The following CACNA1E variants were observed in gnomAD, a reference collection of about 807,000 sequenced individuals.
CACNA1E encodes the protein calcium voltage-gated channel subunit alpha1 E.
CACNA1E carries 40 observed loss-of-function variants against 259.2 expected under a neutral mutation model. The observed-to-expected ratio is 0.15, with a 90% CI of 0.12 to 0.20. The LOEUF (loss-of-function observed/expected upper bound fraction) is 0.20. CACNA1E is among the 10% of genes least tolerant of loss of function. CACNA1E has a pLI of 1.00. For missense variants in CACNA1E, 1,874 were observed against 3,040.1 expected (o/e 0.62, Z 9.02); for synonymous variants, 1,104 against 1,138.5 (o/e 0.97, Z 0.61).
chr1:181,785,539 G>A (rs1046642876), intron 42 of CACNA1E, 121 bp downstream of exon 42: 19 of 875,920 alleles, frequency 2.2e-5, no homozygotes, highest in Non-Finnish European at 3.0e-5. Context: ...TAATGGGTGC[G>A]GGGCCCAAGA....
In CACNA1E at chr1:181,731,157, T is replaced by C. The variant is rs1217504137; in HGVS notation, c.2241-18T>C. The C allele has an allele frequency of 1.5e-5, 24 of 1,610,862 alleles. No individual in the cohort carries two copies. Among genetic ancestry groups the C allele is most frequent in the Non-Finnish European group, 1.9e-5 (22 of 1,177,096 alleles). On this transcript the variant is annotated intron_variant, in intron 18 of 47. Transcript: ENST00000367573. ...TAGAGGTTGGGGTGAACTGAACCTG[T>C]CCATTTTTCTTCCCCAGAAGAGACA...
chr1:181,488,004 G>T (rs902318833), intron 1 of CACNA1E, among the ~76,000 whole-genome samples: 1 of 152,162 alleles, frequency 6.6e-6, no homozygotes, highest in Non-Finnish European at 1.5e-5. Flanking sequence ...TGAACCTGTG[G>T]ACATTAATCC....
chr1:181,692,910 C>A (rs995116703), intron 7 of CACNA1E, among the ~76,000 whole-genome samples: 2 of 151,888 alleles, frequency 1.3e-5, no homozygotes, highest in African/African-American at 4.8e-5. Flanking sequence ...CAACAAAGGT[C>A]TAATATCCAG....
chr1:181,417,515 T>G (rs650635), intron 2 of CACNA1E, among the ~76,000 whole-genome samples: 24,259 of 152,044 alleles, frequency 0.16, 2,059 homozygotes, highest in South Asian at 0.29. Flanking sequence ...AATCCCACTT[T>G]CCCCTATTCT....
intron 1 of CACNA1E, among the ~76,000 whole-genome samples, chr1:181,490,758 G>T (rs1162531233): frequency 1.3e-5 from 2 of 152,184 alleles, no homozygotes; most frequent in Non-Finnish European, 2.9e-5. Flanking sequence ...TGTCATTAAA[G>T]GGGGGTGTCA....
At chr1:181,484,087 T>G in intron 1 of CACNA1E, 77 bp downstream of exon 1, 3 of 1,402,468 alleles carry the variant, frequency 2.1e-6, no homozygotes, top group Non-Finnish European at 3.0e-6. Context: ...TAGCATGGAA[T>G]GTATCCCCCA....
At chr1:181,645,165 C>T (rs1658151145) in intron 6 of CACNA1E, among the ~76,000 whole-genome samples, 1 of 152,076 alleles carries the variant, frequency 6.6e-6, no homozygotes, top group African/African-American at 2.4e-5. Flanking sequence ...GGAAAGTGTT[C>T]AGATGGGATT....
chr1:181,744,519 T>C (rs2102620999), intron 25 of CACNA1E, among the ~76,000 whole-genome samples: 1 of 152,288 alleles, frequency 6.6e-6, no homozygotes, highest in East Asian at 1.9e-4. Flanking sequence ...ACCAAAATGC[T>C]CGTACACACT....
At chr1:181,547,317 C>T (rs1470854931) in intron 3 of CACNA1E, among the ~76,000 whole-genome samples, 1 of 152,210 alleles carries the variant, frequency 6.6e-6, no homozygotes, top group Non-Finnish European at 1.5e-5. Context: ...ACCCTAACTC[C>T]AGTGGTGCTC....
At chr1:181,675,780 A>G (rs1443785765) in intron 7 of CACNA1E, among the ~76,000 whole-genome samples, 1 of 152,236 alleles carries the variant, frequency 6.6e-6, no homozygotes, top group Non-Finnish European at 1.5e-5. Context: ...ACCTGGGCAG[A>G]GCCTGCGGGA....
intron 1 of CACNA1E, among the ~76,000 whole-genome samples, chr1:181,385,657 T>A (rs777819533): frequency 5.3e-5 from 8 of 152,206 alleles, no homozygotes; most frequent in Non-Finnish European, 7.3e-5. Context: ...AGGCAGGGAC[T>A]TTGAATCCGT....
chr1:181,350,463 C>T (rs1281455652), intron 1 of CACNA1E, among the ~76,000 whole-genome samples: 4 of 152,170 alleles, frequency 2.6e-5, no homozygotes, highest in Non-Finnish European at 5.9e-5. Context: ...TCTCCTCTCT[C>T]CTTTTATAAC....
intron 1 of CACNA1E, among the ~76,000 whole-genome samples, chr1:181,329,419 G>A (rs1651057849): frequency 6.6e-6 from 1 of 152,088 alleles, no homozygotes; most frequent in Non-Finnish European, 1.5e-5. Flanking sequence ...TCTTAGCCAT[G>A]GTCTCTGTGC....
chr1:181,616,574 T>C (rs958014334), intron 6 of CACNA1E, among the ~76,000 whole-genome samples: 1 of 151,940 alleles, frequency 6.6e-6, no homozygotes, highest in Admixed American at 6.6e-5. Context: ...ATTAGCTGGG[T>C]GTGGTGGTGC....
chr1:181,629,792 G>GA (rs1420636311), intron 6 of CACNA1E, among the ~76,000 whole-genome samples: 5 of 152,110 alleles, frequency 3.3e-5, no homozygotes, highest in African/African-American at 1.2e-4. Flanking sequence ...CTAAAACTCA[G>GA]AAAAATGCAA....
chr1:181,443,604 C>G (rs1484218695), intron 2 of CACNA1E, among the ~76,000 whole-genome samples: 1 of 152,214 alleles, frequency 6.6e-6, no homozygotes, highest in Non-Finnish European at 1.5e-5. Context: ...CTTATCACCT[C>G]ACTACACAGC....
intron 1 of CACNA1E, among the ~76,000 whole-genome samples, chr1:181,366,691 C>T (rs1654291458): frequency 6.6e-6 from 1 of 152,194 alleles, no homozygotes; most frequent in South Asian, 2.1e-4. Flanking sequence ...TACCTCTTTG[C>T]TGTGTGACCC....
chr1:181,505,107 C>T (rs983999021), intron 1 of CACNA1E, among the ~76,000 whole-genome samples: 1 of 152,200 alleles, frequency 6.6e-6, no homozygotes, highest in African/African-American at 2.4e-5. Flanking sequence ...ATTTAATCCT[C>T]TCCGAAGTCT....
intron 3 of CACNA1E, among the ~76,000 whole-genome samples, chr1:181,566,832 C>G (rs1476890772): frequency 6.6e-6 from 1 of 151,936 alleles, no homozygotes; most frequent in Non-Finnish European, 1.5e-5. Context: ...CAGTGGTTCT[C>G]AACTAGGGGT....
Sources: gnomAD v4.1 joint callset for allele counts (sites outside exome capture counted in the v4.1 genomes callset) on GRCh38, gnomAD v4.1.1 for gene constraint, MANE v1.5 for transcripts, NCBI Gene and HGNC (gene_info 2026-07-23, HGNC 2026-07-21) for gene names.